Variants in ADIG observed in about 807,000 individuals in gnomAD.
The protein encoded by ADIG is adipogenin, also known as adipogenesis associated.
In ADIG, 12 loss-of-function variants were observed where a neutral mutation model predicts 10.7. The ratio of observed to expected loss-of-function variants is 1.12; its 90% CI spans 0.72 to 1.82. The LOEUF (loss-of-function observed/expected upper bound fraction) is 1.82, where lower values mean the gene tolerates loss of function less well. ADIG is among the 40% of genes most tolerant of loss of function. The probability of loss-of-function intolerance (pLI) is 0.00; values close to 1 mark genes in which losing one functional copy is unlikely to be tolerated. For synonymous variants in ADIG, 32 were observed against 35.6 expected, an observed-to-expected ratio of 0.90 and a Z score of 0.36; for missense variants, 72 against 92.5, an observed-to-expected ratio of 0.78 and a Z score of 0.91.
intron 2 of ADIG, 36 bp downstream of exon 2, chr20:38,586,197 G>A (rs372878325): frequency 2.0e-6 from 3 of 1,530,478 alleles, no homozygotes; most frequent in African/African-American, 1.4e-5. Context: ...GAGCCTCAAG[G>A]CCCACCCAAA....
At chr20:38,585,347 C>A in intron 1 of ADIG, 1 of 1,476,248 alleles carries the variant, frequency 6.8e-7, no homozygotes, top group Non-Finnish European at 9.2e-7. Context: ...TGCAGGTTTT[C>A]AAAACAAATT....
intron 1 of ADIG, among the ~76,000 whole-genome samples, chr20:38,584,873 G>A (rs1219449928): frequency 1.3e-5 from 2 of 152,120 alleles, no homozygotes; most frequent in Admixed American, 1.3e-4. Flanking sequence ...CGACTCCCTG[G>A]TTCAAGCGAT....
At chr20:38,584,472 C>T (rs1360965326) in intron 1 of ADIG, among the ~76,000 whole-genome samples, 1 of 152,212 alleles carries the variant, frequency 6.6e-6, no homozygotes, top group Admixed American at 6.5e-5. Context: ...GCAACAACCC[C>T]TCATGGTGGG....
At position 38,585,426 on chromosome 20, in the gene ADIG, A is replaced by C. The variant is rs1464446525; in HGVS notation, c.125-603A>C. ...CATTTCTTTTTAATTTGCTTATAAT[A>C]TACCGTAGATATTCTGCAAGTCAGA... On this transcript the variant is annotated intron_variant, in intron 1 of 2. Transcript: ENST00000537425. 3.2e-6 allele frequency: 5 copies of C among 1,550,438 alleles called. No homozygotes were observed. The South Asian group carries it at 5.9e-5, about 18-fold the overall frequency.
At chr20:38,587,012 C>T (rs1208807685) in intron 2 of ADIG, among the ~76,000 whole-genome samples, 1 of 152,080 alleles carries the variant, frequency 6.6e-6, no homozygotes, top group Non-Finnish European at 1.5e-5. Flanking sequence ...GTGTGTGTCT[C>T]ATCTAATCTC....
intron 1 of ADIG, among the ~76,000 whole-genome samples, chr20:38,583,290 A>C (rs898611846): frequency 2.0e-5 from 3 of 152,234 alleles, no homozygotes; most frequent in Non-Finnish European, 4.4e-5. Context: ...CTAGGAGAGG[A>C]GAAGCAACCT....
chr20:38,582,130 C>G (rs1485962285), intron 1 of ADIG, among the ~76,000 whole-genome samples: 1 of 152,202 alleles, frequency 6.6e-6, no homozygotes, highest in Non-Finnish European at 1.5e-5. Flanking sequence ...TCTCTTCCTG[C>G]TGGACACAGT....
At chr20:38,582,518 C>T (rs555425384) in intron 1 of ADIG, among the ~76,000 whole-genome samples, 74 of 152,328 alleles carry the variant, frequency 4.9e-4, no homozygotes, top group African/African-American at 1.7e-3. Flanking sequence ...GTTGTTGAGG[C>T]AGGGTGAGAA....
At chr20:38,583,183 A>C (rs979972596) in intron 1 of ADIG, among the ~76,000 whole-genome samples, 1 of 152,210 alleles carries the variant, frequency 6.6e-6, no homozygotes, top group African/African-American at 2.4e-5. Context: ...TATATACCAG[A>C]CCTTGTGCTA....
At position 38,586,019 on chromosome 20, in the gene ADIG, A is replaced by G. The variant is rs754728783; in HGVS notation, c.125-10A>G. On this transcript the variant is annotated splice_polypyrimidine_tract_variant and intron_variant, in intron 1 of 2. Transcript: ENST00000537425. ...GACCATCCAAGAGGCCTTGCCTCGT[A>G]TCTCCACAGATTCAGAGGAAAATGA... 3.5e-5 allele frequency: 56 copies of G among 1,596,602 alleles called. No homozygotes were observed. In the East Asian group the frequency reaches 6.8e-4, roughly 19 times the overall value.
At chr20:38,584,525 C>CT (rs776803122) in intron 1 of ADIG, among the ~76,000 whole-genome samples, 4 of 152,236 alleles carry the variant, frequency 2.6e-5, no homozygotes, top group Non-Finnish European at 4.4e-5. Context: ...TTTAAATCCT[C>CT]TGAGTCCAAA....
rs376564463 is a variant in ADIG at position 38,581,320 on chromosome 20, C to T, written c.70C>T (p.Pro24Ser). Reference protein sequence around the residue: ...FSFLVFWFCLPVGLLLLLIIW... With the variant: ...FSFLVFWFCLSVGLLLLLIIW... ...TTTCCTGGTTTTCTGGTTCTGCCTC[C>T]CTGTGGGTTTGCTGTTGTTATTGAT... The change falls in exon 1 of 3, where the codon CCT (proline) becomes TCT (serine). Residue 24 changes from proline (P) to serine (S), a missense_variant. Pro to Ser is a moderately conservative substitution (Grantham distance 74). Coordinates refer to ENST00000537425, the MANE Select transcript of ADIG (RefSeq NM_001393816.1). The T allele has an allele frequency of 2.6e-5, 42 of 1,613,986 alleles. No homozygotes were observed. The African/African-American group carries it at 5.3e-4, about 20-fold the overall frequency.
chr20:38,584,740 A>G (rs561460977), intron 1 of ADIG, among the ~76,000 whole-genome samples: 1 of 151,760 alleles, frequency 6.6e-6, no homozygotes, highest in Non-Finnish European at 1.5e-5. Context: ...TTCAAAAAAT[A>G]CTCTCTCTAG....
chr20:38,587,892 C>T (rs1470025545), intron 2 of ADIG, among the ~76,000 whole-genome samples: 1 of 152,172 alleles, frequency 6.6e-6, no homozygotes, highest in Middle Eastern at 3.2e-3. Context: ...CACATGCCAT[C>T]ACGCCCGGCT....
intron 1 of ADIG, among the ~76,000 whole-genome samples, chr20:38,583,368 C>T (rs571118935): frequency 1.3e-5 from 2 of 152,184 alleles, no homozygotes; most frequent in Admixed American, 1.3e-4. Context: ...CTGACTCTGC[C>T]ACCTACCAGC....
At chr20:38,587,319 G>A (rs544933217) in intron 2 of ADIG, among the ~76,000 whole-genome samples, 8 of 152,238 alleles carry the variant, frequency 5.3e-5, no homozygotes, top group South Asian at 4.1e-4. Context: ...CTGTCTGAGT[G>A]GAGGGAGGAG....
At chr20:38,587,985 G>A (rs2088651884) in intron 2 of ADIG, 116 bp from the exon 3 acceptor site, 4 of 1,172,476 alleles carry the variant, frequency 3.4e-6, no homozygotes, top group Admixed American at 3.6e-5. Flanking sequence ...TGATCCACCT[G>A]CCTCGGCTTC....
chr20:38,588,126 C>A lies in ADIG; in HGVS notation c.*40C>A. 7.7e-7 allele frequency: 1 copy of A among 1,304,530 alleles called. No individual in the cohort carries two copies. Among genetic ancestry groups the A allele is most frequent in the Non-Finnish European group, 1.0e-6 (1 of 988,558 alleles). 80.8% of individuals were successfully genotyped at this position (1,304,530 alleles called of 1,614,324 possible). A position where few individuals can be genotyped will look rare whatever the true frequency, so the allele number is the denominator to read the frequency against. ...TTTGGTTTTCCTGGAGTCAGCAGGG[C>A]AGTGGCAATGGCAGAAGTGGATGGG... On this transcript the variant is annotated 3_prime_UTR_variant, in exon 3 of 3. Transcript: ENST00000537425.
At chr20:38,586,268 T>C in intron 2 of ADIG, 107 bp downstream of exon 2, 2 of 819,866 alleles carry the variant, frequency 2.4e-6, no homozygotes, top group South Asian at 3.5e-5. Context: ...GTATGCTCCC[T>C]GGCCATGCTG....
Sources: gnomAD v4.1 joint callset for allele counts (sites outside exome capture counted in the v4.1 genomes callset) on GRCh38, gnomAD v4.1.1 for gene constraint, MANE v1.5 for transcripts, NCBI Gene and HGNC (gene_info 2026-07-23, HGNC 2026-07-21) for gene names.